FAM98C: variants seen among roughly 807,000 people sequenced by gnomAD.
FAM98C encodes the protein protein FAM98C.
Under a neutral mutation model 41.1 loss-of-function variants are expected in FAM98C, and 38 were observed. The ratio of observed to expected loss-of-function variants is 0.92; its 90% CI spans 0.71 to 1.21. The LOEUF is 1.21. FAM98C is among the 50% of genes most tolerant of loss of function. The pLI, the probability that FAM98C is intolerant of heterozygous loss-of-function variation, is 0.00. For missense variants in FAM98C, 493 were observed against 484.7 expected, an observed-to-expected ratio of 1.02 and a Z score of -0.16; for synonymous variants, 195 against 216.7, an observed-to-expected ratio of 0.90 and a Z score of 0.88.
At chr19:38,407,676 T>TAA (rs199829761) in intron 7 of FAM98C, 80 of 140,602 alleles carry the variant, frequency 5.7e-4, no homozygotes, top group East Asian at 6.3e-4. Context: ...TTTAACCATT[T>TAA]AAAAAAAAAA....
At position 38,405,202 on chromosome 19, in the gene FAM98C, C is replaced by A. The variant is rs1302361900; in HGVS notation, c.555+89C>A. Reference sequence around the variant, plus strand: ...TCTCTCCACTTCTGGAAGGAGTATTCCAACCACTGGCCTGTTTTTTCTGGA... The same window carrying A: ...TCTCTCCACTTCTGGAAGGAGTATTACAACCACTGGCCTGTTTTTTCTGGA... On this transcript the variant is annotated intron_variant, in intron 4 of 7. Coordinates refer to ENST00000252530, the MANE Select transcript of FAM98C (RefSeq NM_174905.4). 6.6e-6 allele frequency: 10 copies of A among 1,519,500 alleles called. No homozygotes were observed. In the East Asian group the frequency reaches 2.3e-4, roughly 35 times the overall value. 94.1% of individuals were successfully genotyped at this position (1,519,500 alleles called of 1,614,324 possible). A position where few individuals can be genotyped will look rare whatever the true frequency, so the allele number is the denominator to read the frequency against.
chr19:38,405,459 C>T (rs375777338), intron 5 of FAM98C, 38 bp downstream of exon 5: 7 of 1,613,840 alleles, frequency 4.3e-6, no homozygotes, highest in African/African-American at 2.7e-5. Flanking sequence ...TGAACTGTGT[C>T]CTCATCAGAG....
At chr19:38,407,689 C>G (rs930964082) in intron 7 of FAM98C, 1 of 142,954 alleles carries the variant, frequency 7.0e-6, no homozygotes, top group African/African-American at 2.5e-5. Context: ...AAAAAAAAAA[C>G]AAAGACAGAA....
In FAM98C at chr19:38,403,153, C is replaced by A; in HGVS notation, c.-1C>A. On this transcript the variant is annotated 5_prime_UTR_variant, in exon 1 of 8. Transcript: ENST00000252530. Reference sequence around the variant, plus strand: ...AGGGGGCGCGCCGAGACCACACTTTCATGGAGGCGGTGAAGGCGGAAGCGT... The same window carrying A: ...AGGGGGCGCGCCGAGACCACACTTTAATGGAGGCGGTGAAGGCGGAAGCGT... 1 of 1,528,726 alleles carries A rather than the reference C, an allele frequency of 6.5e-7. No individual in the cohort carries two copies. Among genetic ancestry groups the A allele is most frequent in the East Asian group, 2.6e-5 (1 of 38,348 alleles). 94.7% of individuals were successfully genotyped at this position (1,528,726 alleles called of 1,614,324 possible).
At chr19:38,405,858 CAT>C in intron 6 of FAM98C, 5 of 482,604 alleles carry the variant, frequency 1.0e-5, no homozygotes, top group Non-Finnish European at 1.5e-5. Flanking sequence ...CATACCCCAT[CAT>C]TTTTTTTTTT....
Position 38,409,075 on chromosome 19 carries a change from A to G in FAM98C, c.*193A>G, listed in dbSNP as rs1971106562. 2 of 439,318 alleles carry G rather than the reference A, an allele frequency of 4.6e-6. No individual in the cohort carries two copies. The highest frequency in any genetic ancestry group is 7.4e-6 in the Non-Finnish European group (2 of 271,810). The allele number at this position is 439,318 out of a possible 1,614,324, so 27.2% of individuals were successfully genotyped here. On this transcript the variant is annotated 3_prime_UTR_variant, in exon 8 of 8. Transcript: ENST00000252530. ...CCATGTTCTCCAGAGAATAAATTTA[A>G]TTTATGACAGCTGTAGGACCTCTCT...
rs771291087 is a variant in FAM98C, at chr19:38,405,676, G to A, written c.750+41G>A. Reference sequence around the variant, plus strand: ...GACCATGCAGAATTGGAGAGGCCCAGTTGTGGGGGCTGCAGTTGCAGGGAG... The same window carrying A: ...GACCATGCAGAATTGGAGAGGCCCAATTGTGGGGGCTGCAGTTGCAGGGAG... On this transcript the variant is annotated intron_variant, in intron 6 of 7. Transcript: ENST00000252530. The A allele has an allele frequency of 5.0e-6, 8 of 1,590,568 alleles. No homozygotes were observed. In the South Asian group the frequency reaches 8.8e-5, roughly 18 times the overall value.
chr19:38,408,898 C>T lies in FAM98C; in HGVS notation c.*16C>T, dbSNP rs779826981. The stretch of plus-strand genomic sequence containing the variant: ...GAAGAAGTAAAGGGGGACTGGTGGT[C>T]GGGGGCGGGGGGTCCTCCATGAGAT... On this transcript the variant is annotated 3_prime_UTR_variant, in exon 8 of 8. Transcript: ENST00000252530. The T allele has an allele frequency of 1.0e-5, 16 of 1,530,814 alleles. No individual in the cohort carries two copies. The highest frequency in any genetic ancestry group is 5.0e-5 in the South Asian group (4 of 79,312). 94.8% of individuals were successfully genotyped at this position (1,530,814 alleles called of 1,614,324 possible). A position where few individuals can be genotyped will look rare whatever the true frequency, so the allele number is the denominator to read the frequency against.
chr19:38,406,588 C>T, intron 6 of FAM98C: 1 of 225,370 alleles, frequency 4.4e-6, no homozygotes, highest in Non-Finnish European at 9.0e-6. Context: ...CCACCTTGGG[C>T]AACATAGCAA....
chr19:38,405,174 T>G, intron 4 of FAM98C, 61 bp downstream of exon 4: 1 of 1,557,662 alleles, frequency 6.4e-7, no homozygotes, highest in South Asian at 1.2e-5. Flanking sequence ...GGGGTGGGGG[T>G]CCTCTCTCCA....
chr19:38,403,611 A>G lies in FAM98C; in HGVS notation c.266A>G (p.Glu89Gly). The G allele has an allele frequency of 6.7e-7, 1 of 1,486,498 alleles. No individual in the cohort carries two copies. Among genetic ancestry groups the G allele is most frequent in the Non-Finnish European group, 8.8e-7 (1 of 1,130,546 alleles). 92.1% of individuals were successfully genotyped at this position (1,486,498 alleles called of 1,614,324 possible). Residue 89 changes from glutamate to glycine, a missense_variant, in exon 3 of 8, where the codon GAG (glutamate) becomes GGG (glycine). By Grantham distance (98) the Glu-to-Gly change is moderately conservative (BLOSUM62 -2). Coordinates refer to ENST00000252530, the MANE Select transcript of FAM98C (RefSeq NM_174905.4). ...CGGCAGCTCGGCAGCCTGCTGCGGG[A>G]GCTGCACTGCCCGGATCGCGCGCTC... ...FLRQLGSLLR[E>G]LHCPDRALCG...
At chr19:38,406,178 T>G (rs1408679174) in intron 6 of FAM98C, 1 of 152,456 alleles carries the variant, frequency 6.6e-6, no homozygotes, top group Non-Finnish European at 1.5e-5. Flanking sequence ...TTTTATTTTT[T>G]GAGACGGAGT....
intron 4 of FAM98C, 90 bp from the exon 5 acceptor site, chr19:38,405,254 G>T: frequency 6.6e-7 from 1 of 1,523,868 alleles, no homozygotes; most frequent in African/African-American, 1.4e-5. Flanking sequence ...TCACATCTGT[G>T]GCCTAGGTCC....
chr19:38,407,411 C>G (rs936692822), intron 7 of FAM98C: 1 of 228,652 alleles, frequency 4.4e-6, no homozygotes, highest in Non-Finnish European at 9.0e-6. Context: ...TGCTCTGTCA[C>G]CCAGGCTGCA....
In FAM98C at chr19:38,405,111, A is replaced by G; in HGVS notation, c.553A>G (p.Lys185Glu). 1 of 1,608,860 alleles carries G rather than the reference A, an allele frequency of 6.2e-7. No individual in the cohort carries two copies. Among genetic ancestry groups the G allele is most frequent in the Non-Finnish European group, 8.5e-7 (1 of 1,176,470 alleles). ...CCAGCTGCTGCAGGAGTTGCATGCTAAGGTAGAGAGTCAGAGTCCCCTCCC... is the reference window on the plus strand; with the variant it reads ...CCAGCTGCTGCAGGAGTTGCATGCTGAGGTAGAGAGTCAGAGTCCCCTCCC... ...ASQLLQELHA[K>E]ISELQPSLPP... is the part of the protein sequence containing the mutation. The change falls in exon 4 of 8, where the codon AAG (lysine) becomes GAG (glutamate). Residue 185 changes from lysine (K) to glutamate (E), a missense_variant and splice_region_variant. Physicochemically the swap from Lys to Glu is moderately conservative, Grantham distance 56. Coordinates refer to ENST00000252530, the MANE Select transcript of FAM98C (RefSeq NM_174905.4).
chr19:38,407,091 G>T lies in FAM98C; in HGVS notation c.918+14G>T, dbSNP rs1212243558. On this transcript the variant is annotated intron_variant, in intron 7 of 7. Transcript: ENST00000252530. The stretch of plus-strand genomic sequence containing the variant: ...GCCATCAACAAGGTGGGCATCTGGG[G>T]TAGGGAAGGGCCCTGGCATCCTTGG... 3.1e-6 allele frequency: 5 copies of T among 1,611,146 alleles called. No homozygotes were observed. In the South Asian group the frequency reaches 5.5e-5, roughly 18 times the overall value.
Position 38,403,117 on chromosome 19 carries a change from C to T in FAM98C, c.-37C>T, listed in dbSNP as rs1453417646. The T allele has an allele frequency of 6.0e-6, 9 of 1,495,040 alleles. No individual in the cohort carries two copies. The highest frequency in any genetic ancestry group is 7.9e-6 in the Non-Finnish European group (9 of 1,137,762). The allele number at this position is 1,495,040 out of a possible 1,614,324, so 92.6% of individuals were successfully genotyped here. ...GCGGCGCTTTTGGGGCGGAGCCTGC[C>T]ACCGGCCGCCAGGGGGCGCGCCGAG... On this transcript the variant is annotated 5_prime_UTR_variant, in exon 1 of 8. Coordinates refer to ENST00000252530, the MANE Select transcript of FAM98C (RefSeq NM_174905.4).
In FAM98C at chr19:38,406,894, C is replaced by T. The variant is rs750079593; in HGVS notation, c.751-16C>T. Reference sequence around the variant, plus strand: ...AGGGCTCCAGGGTACCTTCTCTTACCTCCTCCCCACTCCAGGCCCAAGGAG... The same window carrying T: ...AGGGCTCCAGGGTACCTTCTCTTACTTCCTCCCCACTCCAGGCCCAAGGAG... On this transcript the variant is annotated splice_polypyrimidine_tract_variant and intron_variant, in intron 6 of 7. Coordinates refer to ENST00000252530, the MANE Select transcript of FAM98C (RefSeq NM_174905.4). 2 of 1,611,416 alleles carry T rather than the reference C, an allele frequency of 1.2e-6. No individual in the cohort carries two copies. Among genetic ancestry groups the T allele is most frequent in the Non-Finnish European group, 1.7e-6 (2 of 1,177,726 alleles).
chr19:38,407,268 T>G (rs1971054315), intron 7 of FAM98C, 191 bp downstream of exon 7: 4 of 613,472 alleles, frequency 6.5e-6, no homozygotes, highest in Non-Finnish European at 1.1e-5. Flanking sequence ...GGCTCCCTAA[T>G]GATCTGAAAA....
Sources: gnomAD v4.1 joint callset for allele counts on GRCh38, gnomAD v4.1.1 for gene constraint, MANE v1.5 for transcripts, NCBI Gene and HGNC (gene_info 2026-07-23, HGNC 2026-07-21) for gene names.